PCDHGA5: variants seen among roughly 807,000 people sequenced by gnomAD.
The protein encoded by PCDHGA5 is protocadherin gamma-A5.
A neutral mutation model predicts 56.7 loss-of-function variants in PCDHGA5; 36 were observed. The observed-to-expected ratio is 0.64, with a 90% confidence interval of 0.49 to 0.84. The LOEUF (loss-of-function observed/expected upper bound fraction) is 0.84. PCDHGA5 is among the 40% of genes least tolerant of loss of function. PCDHGA5 has a pLI of 0.00. For missense variants in PCDHGA5, 1,305 were observed against 1,201.5 expected (o/e 1.09, Z -1.27); for synonymous variants, 563 against 520.2 (o/e 1.08, Z -1.12).
At chr5:141,496,799 G>C (rs2099771487) in intron 2 of PCDHGA5, among the ~76,000 whole-genome samples, 1 of 151,912 alleles carries the variant, frequency 6.6e-6, no homozygotes, top group African/African-American at 2.4e-5. Context: ...TAAACATTGG[G>C]CTATAGGAGT....
intron 1 of PCDHGA5, chr5:141,409,394 T>C: frequency 1.9e-6 from 3 of 1,614,008 alleles, no homozygotes; most frequent in Non-Finnish European, 2.5e-6. Flanking sequence ...TTATTCTTCT[T>C]CCAATAACTA....
Position 141,485,449 on chromosome 5 carries a change from A to G in PCDHGA5, c.2422-9358A>G, listed in dbSNP as rs2099613844. 6.2e-7 allele frequency: 1 copy of G among 1,614,054 alleles called. No homozygotes were observed. The highest frequency in any genetic ancestry group is 2.2e-5 in the East Asian group (1 of 44,876). On this transcript the variant is annotated intron_variant, in intron 1 of 3. Coordinates refer to ENST00000518069, the MANE Select transcript of PCDHGA5 (RefSeq NM_018918.3). The surrounding 1 kb of genome is among the most constrained non-coding windows in gnomAD (Gnocchi z 5.7). ...TGCTCATCAAGAACCCAATCGACCG[A>G]GAGGCACTGTGTGGGCTCAGTGCCA...
chr5:141,410,415 T>C (rs1589759810), intron 1 of PCDHGA5: 1 of 1,614,066 alleles, frequency 6.2e-7, no homozygotes. Flanking sequence ...TCTGGACCTG[T>C]AGTTCCCCCC....
intron 1 of PCDHGA5, chr5:141,423,165 C>T (rs1307049367): frequency 6.8e-6 from 11 of 1,613,434 alleles, no homozygotes; most frequent in Admixed American, 3.3e-5. Context: ...TCGTGGTGGC[C>T]GTCCAGGACC....
At chr5:141,375,397 C>G (rs751405619) in intron 1 of PCDHGA5, 3 of 1,613,892 alleles carry the variant, frequency 1.9e-6, no homozygotes, top group East Asian at 4.5e-5. Flanking sequence ...AAACAATCAT[C>G]TCTCTAAATG....
At chr5:141,507,183 C>T (rs2099859036) in intron 3 of PCDHGA5, 1 of 152,428 alleles carries the variant, frequency 6.6e-6, no homozygotes, top group Non-Finnish European at 1.5e-5. Flanking sequence ...TCCTCGAGCT[C>T]TGCTTTATTC....
chr5:141,388,391 T>C, intron 1 of PCDHGA5: 2 of 1,613,964 alleles, frequency 1.2e-6, no homozygotes, highest in Non-Finnish European at 1.7e-6. Flanking sequence ...CACTGCAGAA[T>C]TACCAACTCA....
chr5:141,455,919 A>T, intron 1 of PCDHGA5, among the ~76,000 whole-genome samples: 1 of 145,568 alleles, frequency 6.9e-6, no homozygotes, highest in Non-Finnish European at 1.5e-5. Context: ...TTATTTTGAG[A>T]CGGAGTCTCG....
chr5:141,389,398 T>A, intron 1 of PCDHGA5: 1 of 1,613,654 alleles, frequency 6.2e-7, no homozygotes. Flanking sequence ...TACGTGTCCA[T>A]AAGCGCGGAG....
intron 1 of PCDHGA5, chr5:141,385,045 C>T (rs769354835): frequency 1.9e-6 from 3 of 1,614,178 alleles, no homozygotes. Flanking sequence ...GGCGCTCAGG[C>T]TGCGGCGCTG....
At chr5:141,475,979 C>A in intron 1 of PCDHGA5, 1 of 1,020,182 alleles carries the variant, frequency 9.8e-7, no homozygotes, top group Non-Finnish European at 1.4e-6. Flanking sequence ...GACTGAACAG[C>A]CGGCGAGCAA....
At position 141,477,418 on chromosome 5, in the gene PCDHGA5, C is replaced by G. The variant is rs759728291; in HGVS notation, c.2422-17389C>G. ...GCATCACCGCCCGAGACGCCGGAAC[C>G]CCTTCCCTCTCAGCCCTTACAATAG... On this transcript the variant is annotated intron_variant, in intron 1 of 3. Transcript: ENST00000518069. This position sits in a 1 kb window ranked among gnomAD's most constrained non-coding sequence, Gnocchi z 4.9. 2 of 1,614,166 alleles carry G rather than the reference C, an allele frequency of 1.2e-6. No homozygotes were observed. Among genetic ancestry groups the G allele is most frequent in the Non-Finnish European group, 1.7e-6 (2 of 1,180,030 alleles).
At chr5:141,413,318 T>C in intron 1 of PCDHGA5, 1 of 1,613,968 alleles carries the variant, frequency 6.2e-7, no homozygotes, top group Non-Finnish European at 8.5e-7. Flanking sequence ...AAAGGCTCTT[T>C]CGTGGGCAAC....
chr5:141,392,976 G>T (rs892304367), intron 1 of PCDHGA5: 1 of 1,613,866 alleles, frequency 6.2e-7, no homozygotes, highest in South Asian at 1.1e-5. Flanking sequence ...CCTGGGGCTG[G>T]ACCCCCGGAA....
chr5:141,385,131 C>A lies in PCDHGA5; in HGVS notation c.2421+18380C>A, dbSNP rs371376308. Reference sequence around the variant, plus strand: ...CCACCTCGCACTTTGTGGGCATGGACGGGGTGCAGGCTTTCCTGCAGACCT... The same window carrying A: ...CCACCTCGCACTTTGTGGGCATGGAAGGGGTGCAGGCTTTCCTGCAGACCT... On this transcript the variant is annotated intron_variant, in intron 1 of 3. Transcript: ENST00000518069. The A allele has an allele frequency of 1.2e-6, 2 of 1,614,200 alleles. No homozygotes were observed. Among genetic ancestry groups the A allele is most frequent in the Non-Finnish European group, 1.7e-6 (2 of 1,180,056 alleles).
chr5:141,382,988 G>T (rs958046112), intron 1 of PCDHGA5: 2 of 1,613,090 alleles, frequency 1.2e-6, no homozygotes, highest in African/African-American at 2.7e-5. Context: ...TGGGCAGGAC[G>T]TATTCTCTAC....
At chr5:141,370,637 T>A (rs749641470) in intron 1 of PCDHGA5, 1 of 1,613,770 alleles carries the variant, frequency 6.2e-7, no homozygotes, top group South Asian at 1.1e-5. Flanking sequence ...GCCCCGAAAA[T>A]GGGAACTTAC....
chr5:141,388,745 C>T lies in PCDHGA5; in HGVS notation c.2421+21994C>T, dbSNP rs1280615634. Reference sequence around the variant, plus strand: ...TCTCTTTCAGTGAAGCTAGCCAGATCACCCAATTTGACCTGAACTCTAACA... The same window carrying T: ...TCTCTTTCAGTGAAGCTAGCCAGATTACCCAATTTGACCTGAACTCTAACA... On this transcript the variant is annotated intron_variant, in intron 1 of 3. Coordinates refer to ENST00000518069, the MANE Select transcript of PCDHGA5 (RefSeq NM_018918.3). 3 of 1,614,024 alleles carry T rather than the reference C, an allele frequency of 1.9e-6. No individual in the cohort carries two copies. The Admixed American group carries it at 5.0e-5, about 27-fold the overall frequency.
At chr5:141,392,956 T>A (rs769377200) in intron 1 of PCDHGA5, 3 of 1,613,820 alleles carry the variant, frequency 1.9e-6, no homozygotes, top group South Asian at 1.1e-5. Context: ...GTGGGTAATA[T>A]CTCCAAGGAC....
Sources: allele counts gnomAD v4.1 joint callset (sites outside exome capture counted in the v4.1 genomes callset), GRCh38; gene constraint gnomAD v4.1.1; non-coding constraint Gnocchi (gnomAD v3.1); transcripts MANE v1.5; gene names NCBI Gene and HGNC (gene_info 2026-07-23, HGNC 2026-07-21).